Variants in LRRFIP1 observed in about 807,000 individuals in gnomAD.
LRRFIP1 encodes the protein LRR binding FLII interacting protein 1, also known as leucine-rich repeat flightless-interacting protein 1.
A neutral mutation model predicts 104.4 loss-of-function variants in LRRFIP1; 62 were observed. The observed-to-expected ratio is 0.59, with a 90% confidence interval of 0.48 to 0.73. The LOEUF (loss-of-function observed/expected upper bound fraction) is 0.73, where lower values mean the gene tolerates loss of function less well. Ranked by LOEUF, LRRFIP1 falls within the 30% of genes least tolerant of loss-of-function variation. The pLI, the probability that LRRFIP1 is intolerant of heterozygous loss-of-function variation, is 0.00. For missense variants in LRRFIP1, 796 were observed against 824.5 expected, an observed-to-expected ratio of 0.97 and a Z score of 0.42; for synonymous variants, 300 against 299.0, an observed-to-expected ratio of 1.00 and a Z score of -0.03.
chr2:237,660,913 C>T (rs1158027153), intron 1 of LRRFIP1, among the ~76,000 whole-genome samples: 1 of 152,178 alleles, frequency 6.6e-6, no homozygotes, highest in Admixed American at 6.5e-5. Flanking sequence ...CAATATACAG[C>T]GTCGGGACAC....
chr2:237,663,435 C>G (rs994141395), intron 1 of LRRFIP1, among the ~76,000 whole-genome samples: 5 of 152,138 alleles, frequency 3.3e-5, no homozygotes, highest in African/African-American at 7.2e-5. Flanking sequence ...CTTTCCCCCC[C>G]CATCCCGCCA....
intron 8 of LRRFIP1, among the ~76,000 whole-genome samples, chr2:237,733,144 A>G (rs2095086278): frequency 6.6e-6 from 1 of 152,058 alleles, no homozygotes; most frequent in African/African-American, 2.4e-5. Context: ...CAGTCTCTGG[A>G]CACTGGGAGC....
At chr2:237,666,998 A>T in intron 1 of LRRFIP1, among the ~76,000 whole-genome samples, 1 of 147,064 alleles carries the variant, frequency 6.8e-6, no homozygotes. Context: ...GCATTTTCAC[A>T]GATAGCTTGT....
intron 11 of LRRFIP1, among the ~76,000 whole-genome samples, chr2:237,744,877 G>A (rs2057606000): frequency 6.6e-6 from 1 of 152,260 alleles, no homozygotes; most frequent in Non-Finnish European, 1.5e-5. Flanking sequence ...CCCGTCCTGG[G>A]CTAAGGTGGG....
rs893004001 is a variant in LRRFIP1, at chr2:237,735,592, G to A, written c.555+259G>A. On this transcript the variant is annotated intron_variant, in intron 10 of 23. Coordinates refer to ENST00000308482, the MANE Select transcript of LRRFIP1 (RefSeq NM_001137550.2). The surrounding 1 kb of genome is among the most constrained non-coding windows in gnomAD (Gnocchi z 4.6). ...GTTTCATCTGCTCTCTCTGCAGCAC[G>A]CCAACCATACTAACAGGTGGTGAAA... The A allele has an allele frequency of 1.4e-5, 6 of 429,292 alleles. No individual in the cohort carries two copies. The highest frequency in any genetic ancestry group is 1.7e-5 in the Non-Finnish European group (4 of 240,444). 26.6% of individuals were successfully genotyped at this position (429,292 alleles called of 1,614,324 possible).
At chr2:237,744,855 G>T (rs1346033606) in intron 11 of LRRFIP1, among the ~76,000 whole-genome samples, 1 of 152,274 alleles carries the variant, frequency 6.6e-6, no homozygotes, top group Non-Finnish European at 1.5e-5. Context: ...TGTCTGCGGG[G>T]TCCGGTGCTT....
chr2:237,739,407 C>A, intron 11 of LRRFIP1, 98 bp downstream of exon 11: 3 of 1,024,010 alleles, frequency 2.9e-6, no homozygotes, highest in Non-Finnish European at 2.9e-6. Flanking sequence ...GAATATTACT[C>A]TGCGGTGATA....
chr2:237,700,629 T>TG (rs144272809), intron 1 of LRRFIP1, among the ~76,000 whole-genome samples: 2,621 of 152,308 alleles, frequency 0.017, 91 homozygotes, highest in African/African-American at 0.059. Flanking sequence ...AACAGCCCCG[T>TG]GGGGCGTCAT....
chr2:237,638,462 C>G (rs773605817), intron 1 of LRRFIP1, among the ~76,000 whole-genome samples: 3 of 152,186 alleles, frequency 2.0e-5, no homozygotes, highest in Non-Finnish European at 2.9e-5. Flanking sequence ...TGTCCCAGTT[C>G]CTAACAGGCC....
chr2:237,764,088 C>T, intron 19 of LRRFIP1: 1 of 1,614,100 alleles, frequency 6.2e-7, no homozygotes, highest in South Asian at 1.1e-5. Flanking sequence ...AGAGAAGATA[C>T]CAGAGGAGGG....
At chr2:237,755,673 C>T (rs548364241) in intron 15 of LRRFIP1, among the ~76,000 whole-genome samples, 2 of 152,346 alleles carry the variant, frequency 1.3e-5, no homozygotes, top group African/African-American at 4.8e-5. Flanking sequence ...GTGGCTCATG[C>T]CTGTAATCCC....
rs1038991488 is a variant in LRRFIP1, at chr2:237,749,235, C to G, written c.706C>G (p.Leu236Val). The change falls in exon 13 of 24, where the codon CTG becomes GTG. Residue 236 changes from leucine to valine, a missense_variant. Transcript: ENST00000308482. ...CATGCCGGGCCTGTCTGCAGCCACG[C>G]TGGCCTCTCTGGGTGGGACTTCCTC... ...RNMPGLSAAT[L>V]ASLGGTSSRR... 5.0e-6 allele frequency: 8 copies of G among 1,613,826 alleles called. No homozygotes were observed. The highest frequency in any genetic ancestry group is 1.1e-5 in the South Asian group (1 of 91,052).
intron 11 of LRRFIP1, among the ~76,000 whole-genome samples, chr2:237,743,730 T>C (rs887822762): frequency 2.6e-5 from 4 of 152,064 alleles, no homozygotes; most frequent in African/African-American, 9.7e-5. Context: ...TGTTGGGTGA[T>C]CACACGTTGT....
chr2:237,657,463 T>C (rs1049384885), intron 1 of LRRFIP1, among the ~76,000 whole-genome samples: 6 of 152,240 alleles, frequency 3.9e-5, no homozygotes, highest in African/African-American at 1.2e-4. Flanking sequence ...ATGGCCATGA[T>C]AAAGAGGTTC....
intron 7 of LRRFIP1, among the ~76,000 whole-genome samples, chr2:237,726,753 G>C (rs2094768939): frequency 6.6e-6 from 1 of 152,134 alleles, no homozygotes; most frequent in Admixed American, 6.6e-5. Flanking sequence ...CCCGAGAGCT[G>C]GTTTTGTCTC....
intron 10 of LRRFIP1, among the ~76,000 whole-genome samples, chr2:237,738,604 T>G (rs764528859): frequency 6.6e-6 from 1 of 152,210 alleles, no homozygotes; most frequent in Non-Finnish European, 1.5e-5. Context: ...GATGTGAACA[T>G]AAATCAAAGT....
At chr2:237,713,534 A>G (rs1217344372) in intron 2 of LRRFIP1, among the ~76,000 whole-genome samples, 2 of 151,926 alleles carry the variant, frequency 1.3e-5, no homozygotes, top group African/African-American at 4.9e-5. Flanking sequence ...ATGTAGTCAC[A>G]TGTGTTCCCC....
At chr2:237,727,418 A>G (rs903930750) in intron 7 of LRRFIP1, among the ~76,000 whole-genome samples, 1 of 152,104 alleles carries the variant, frequency 6.6e-6, no homozygotes, top group African/African-American at 2.4e-5. Flanking sequence ...TAGCATCACA[A>G]TGTGCCATAA....
chr2:237,646,945 G>C (rs2085016722), intron 1 of LRRFIP1, among the ~76,000 whole-genome samples: 1 of 151,960 alleles, frequency 6.6e-6, no homozygotes, highest in African/African-American at 2.4e-5. Flanking sequence ...TCATAGAAAG[G>C]GGTCGCTTGC....
Sources: gnomAD v4.1 joint callset for allele counts (sites outside exome capture counted in the v4.1 genomes callset) on GRCh38, gnomAD v4.1.1 for gene constraint, Gnocchi (gnomAD v3.1) non-coding constraint, MANE v1.5 for transcripts, NCBI Gene and HGNC (gene_info 2026-07-23, HGNC 2026-07-21) for gene names.